Variants in BTF3L4 observed in about 807,000 individuals in gnomAD.
BTF3L4 encodes basic transcription factor 3 like 4.
BTF3L4 carries 6 observed loss-of-function variants against 16.8 expected under a neutral mutation model. That is an observed-to-expected ratio of 0.36 (90% CI 0.20 to 0.71). The LOEUF is 0.71. BTF3L4 is among the 30% of genes least tolerant of loss of function. The pLI is 0.58. For missense variants in BTF3L4, 92 were observed against 186.9 expected (o/e 0.49, Z 2.96); for synonymous variants, 39 against 59.8 (o/e 0.65, Z 1.60).
chr1:52,058,268 A>G (rs1260146626), intron 1 of BTF3L4, among the ~76,000 whole-genome samples: 1 of 152,260 alleles, frequency 6.6e-6, no homozygotes, highest in African/African-American at 2.4e-5. Flanking sequence ...CTGCTTCAGC[A>G]TTGTGATACA....
chr1:52,069,683 G>A (rs752311126), intron 3 of BTF3L4, among the ~76,000 whole-genome samples: 2 of 152,152 alleles, frequency 1.3e-5, no homozygotes, highest in Non-Finnish European at 2.9e-5. Context: ...TACTTTCTGT[G>A]CTTAGACCTT....
rs146469165 is a variant in BTF3L4, at chr1:52,057,377, G to A, written c.-14+998G>A. Among the ~76,000 whole-genome samples, 1,102 of 152,274 alleles carry A rather than the reference G, an allele frequency of 7.2e-3. 10 individuals carry two copies. Among genetic ancestry groups the A allele is most frequent in the Non-Finnish European group, 0.011 (729 of 68,018 alleles). ...TTGAGAACAGTGCTAAAAGATCCTGGAATCCCCAAGGAAGAACTCATTAAT... is the reference window on the plus strand; with the variant it reads ...TTGAGAACAGTGCTAAAAGATCCTGAAATCCCCAAGGAAGAACTCATTAAT... On this transcript the variant is annotated intron_variant, in intron 1 of 5. Transcript: ENST00000313334.
chr1:52,059,386 T>C (rs897590739), intron 1 of BTF3L4, among the ~76,000 whole-genome samples: 10 of 152,202 alleles, frequency 6.6e-5, no homozygotes, highest in Non-Finnish European at 1.5e-4. Context: ...TTATGGTTTA[T>C]AAGAAATACA....
intron 3 of BTF3L4, among the ~76,000 whole-genome samples, chr1:52,080,531 T>G (rs1244200802): frequency 3.6e-4 from 44 of 121,268 alleles, no homozygotes; most frequent in Non-Finnish European, 6.3e-4. Context: ...TTTTTTTTTT[T>G]TTTTTTTTTT....
Position 52,086,847 on chromosome 1 carries a change from G to T in BTF3L4, c.*89G>T. On this transcript the variant is annotated 3_prime_UTR_variant, in exon 6 of 6. Transcript: ENST00000313334. The stretch of plus-strand genomic sequence containing the variant: ...TTTACAGACATGGAGAACATCACCT[G>T]TTACTAGTTCAGTAATATAAATATT... 1.4e-6 allele frequency: 1 copy of T among 692,750 alleles called. No homozygotes were observed. The highest frequency in any genetic ancestry group is 2.4e-6 in the Non-Finnish European group (1 of 409,484). 42.9% of individuals were successfully genotyped at this position (692,750 alleles called of 1,614,324 possible). A position where few individuals can be genotyped will look rare whatever the true frequency, so the allele number is the denominator to read the frequency against.
chr1:52,082,864 G>T (rs1643936893), intron 3 of BTF3L4, among the ~76,000 whole-genome samples: 1 of 152,132 alleles, frequency 6.6e-6, no homozygotes, highest in African/African-American at 2.4e-5. Flanking sequence ...TTACGTTTCT[G>T]AGTGTTCTTT....
intron 2 of BTF3L4, among the ~76,000 whole-genome samples, chr1:52,062,189 G>A (rs893497085): frequency 1.5e-5 from 2 of 137,838 alleles, no homozygotes; most frequent in East Asian, 2.2e-4. Context: ...GTGATCGCCC[G>A]CCTCGGCCTT....
intron 3 of BTF3L4, among the ~76,000 whole-genome samples, chr1:52,068,070 A>G (rs1686698606): frequency 6.6e-6 from 1 of 152,214 alleles, no homozygotes; most frequent in African/African-American, 2.4e-5. Flanking sequence ...ATGTTTTTCT[A>G]AAGTTTTTGT....
At position 52,071,752 on chromosome 1, in the gene BTF3L4, C is replaced by T. The variant is rs551070229; in HGVS notation, c.168+6814C>T. On this transcript the variant is annotated intron_variant, in intron 3 of 5. Transcript: ENST00000313334. ...CAGAAAGAGGACCTAAAGTTAATGGCGGGCTCTTCCTGCAGTTCCTTCTTC... is the reference window on the plus strand; with the variant it reads ...CAGAAAGAGGACCTAAAGTTAATGGTGGGCTCTTCCTGCAGTTCCTTCTTC... 3.3e-5 allele frequency among the ~76,000 whole-genome samples: 5 copies of T among 152,226 alleles called. No homozygotes were observed. In the South Asian group the frequency reaches 6.2e-4, roughly 19 times the overall value.
At chr1:52,073,305 A>G (rs12402556) in intron 3 of BTF3L4, among the ~76,000 whole-genome samples, 1 of 152,090 alleles carries the variant, frequency 6.6e-6, no homozygotes, top group African/African-American at 2.4e-5. Flanking sequence ...ATGTATCTGT[A>G]TATCTATATA....
At position 52,090,552 on chromosome 1, in the gene BTF3L4, C is replaced by T. The variant is rs571563996; in HGVS notation, c.*3794C>T. On this transcript the variant is annotated 3_prime_UTR_variant, in exon 6 of 6. Transcript: ENST00000313334. ...ACCTAAATTTCCTATCTGAGCATGT[C>T]CTTACATTTACTTCCAGCATACTAT... 6.6e-6 allele frequency: 1 copy of T among 152,264 alleles called. No homozygotes were observed. The highest frequency in any genetic ancestry group is 2.1e-4 in the South Asian group (1 of 4,818). 9.4% of individuals were successfully genotyped at this position (152,264 alleles called of 1,614,324 possible).
At position 52,056,298 on chromosome 1, in the gene BTF3L4, G is replaced by A; in HGVS notation, c.-95G>A. The A allele has an allele frequency of 6.4e-6, 1 of 156,786 alleles. No individual in the cohort carries two copies. Among genetic ancestry groups the A allele is most frequent in the Non-Finnish European group, 1.4e-5 (1 of 70,850 alleles). 9.7% of individuals were successfully genotyped at this position (156,786 alleles called of 1,614,324 possible). On this transcript the variant is annotated 5_prime_UTR_variant, in exon 1 of 6. Transcript: ENST00000313334. Reference sequence around the variant, plus strand: ...ATCTGCTCCCGCCGCCGCCGCCGCCGCCGTCGTCTTTCTCTGTCTCGGCTG... The same window carrying A: ...ATCTGCTCCCGCCGCCGCCGCCGCCACCGTCGTCTTTCTCTGTCTCGGCTG...
intron 3 of BTF3L4, among the ~76,000 whole-genome samples, chr1:52,078,000 G>A (rs1455509627): frequency 6.6e-6 from 1 of 152,104 alleles, no homozygotes; most frequent in Non-Finnish European, 1.5e-5. Context: ...AGGCACTGCT[G>A]GTGCTATATT....
chr1:52,060,448 C>T (rs1368058257), intron 2 of BTF3L4: 13 of 1,268,774 alleles, frequency 1.0e-5, no homozygotes, highest in Non-Finnish European at 1.2e-5. Context: ...CAAATTCTTA[C>T]CTGTTCTTCC....
chr1:52,084,373 C>T (rs1202929035), intron 4 of BTF3L4, among the ~76,000 whole-genome samples: 1 of 151,674 alleles, frequency 6.6e-6, no homozygotes, highest in Non-Finnish European at 1.5e-5. Context: ...GAGCTCCTGG[C>T]CTCAAGTGAT....
At chr1:52,068,902 G>C (rs1211444871) in intron 3 of BTF3L4, among the ~76,000 whole-genome samples, 2 of 152,186 alleles carry the variant, frequency 1.3e-5, no homozygotes, top group Non-Finnish European at 2.9e-5. Context: ...GTGCAGAGAA[G>C]GGTTAGGTGC....
chr1:52,062,970 G>A (rs2039583), intron 2 of BTF3L4, among the ~76,000 whole-genome samples: 111,624 of 152,172 alleles, frequency 0.73, 45,553 homozygotes, highest in Non-Finnish European at 0.89. Context: ...TAATGCTGCC[G>A]CTGATCTGAC....
rs2124453132 is a variant in BTF3L4 at position 52,088,886 on chromosome 1, C to T, written c.*2128C>T. The T allele has an allele frequency of 6.6e-6, 1 of 151,466 alleles. No homozygotes were observed. The allele number at this position is 151,466 out of a possible 1,614,324, so 9.4% of individuals were successfully genotyped here. On this transcript the variant is annotated 3_prime_UTR_variant, in exon 6 of 6. Coordinates refer to ENST00000313334, the MANE Select transcript of BTF3L4 (RefSeq NM_152265.5). ...CCACCTCCCAGATTCAAGCGATTCT[C>T]CTGTCTCAGCCTCCACAGTAGCTGG...
rs1240012342 is a variant in BTF3L4 at position 52,076,152 on chromosome 1, T to A, written c.169-7188T>A. Among the ~76,000 whole-genome samples, 3 of 152,174 alleles carry A rather than the reference T, an allele frequency of 2.0e-5. No individual in the cohort carries two copies. In the East Asian group the frequency reaches 5.8e-4, roughly 29 times the overall value. On this transcript the variant is annotated intron_variant, in intron 3 of 5. Transcript: ENST00000313334. ...TGTACTTTTAGTGGTGGCGTATGCC[T>A]GTAATCCCAACTACTTGGGAGGCTG...
Sources: allele counts gnomAD v4.1 joint callset (sites outside exome capture counted in the v4.1 genomes callset), GRCh38; gene constraint gnomAD v4.1.1; transcripts MANE v1.5; gene names NCBI Gene and HGNC (gene_info 2026-07-23, HGNC 2026-07-21).